Variants in DYNC1I1 observed in about 807,000 individuals in gnomAD.
DYNC1I1 encodes dynein cytoplasmic 1 intermediate chain 1.
A neutral mutation model predicts 86.6 loss-of-function variants in DYNC1I1; 43 were observed. The ratio of observed to expected loss-of-function variants is 0.50; its 90% CI spans 0.39 to 0.64. DYNC1I1 has a LOEUF of 0.64. DYNC1I1 is among the 30% of genes least tolerant of loss of function. The pLI, the probability that DYNC1I1 is intolerant of heterozygous loss-of-function variation, is 0.00. For missense variants in DYNC1I1, 604 were observed against 788.8 expected (o/e 0.77, Z 2.81); for synonymous variants, 262 against 283.7 (o/e 0.92, Z 0.77).
chr7:96,032,840 G>A, intron 12 of DYNC1I1, 60 bp downstream of exon 12: 2 of 1,422,834 alleles, frequency 1.4e-6, no homozygotes, highest in Admixed American at 3.5e-5. Flanking sequence ...CCTACTTAAT[G>A]GAACATAGTT....
intron 5 of DYNC1I1, among the ~76,000 whole-genome samples, chr7:95,837,924 G>A (rs527680967): frequency 1.1e-3 from 175 of 152,276 alleles, no homozygotes; most frequent in African/African-American, 3.0e-3. Context: ...GAAATCACCC[G>A]TCTTCTGCGT....
chr7:95,942,457 G>A (rs950517240), intron 6 of DYNC1I1, among the ~76,000 whole-genome samples: 1 of 152,138 alleles, frequency 6.6e-6, no homozygotes, highest in Non-Finnish European at 1.5e-5. Flanking sequence ...GGAGGAACTG[G>A]TACCATTCCT....
intron 16 of DYNC1I1, among the ~76,000 whole-genome samples, chr7:96,090,971 G>A (rs1563002271): frequency 2.0e-5 from 3 of 152,296 alleles, no homozygotes; most frequent in Admixed American, 6.5e-5. Context: ...CTGTATTTAT[G>A]TGAAGCGGGT....
intron 10 of DYNC1I1, among the ~76,000 whole-genome samples, chr7:96,026,390 T>C (rs1317589011): frequency 1.3e-5 from 2 of 152,092 alleles, no homozygotes; most frequent in African/African-American, 4.8e-5. Flanking sequence ...TTTTAATAGA[T>C]GTTTAGTTTA....
At chr7:96,004,282 T>G (rs1281012982) in intron 10 of DYNC1I1, among the ~76,000 whole-genome samples, 2 of 152,204 alleles carry the variant, frequency 1.3e-5, no homozygotes, top group Non-Finnish European at 2.9e-5. Context: ...GGTGAAAGAT[T>G]TATCTTCGTT....
rs922799042 is a variant in DYNC1I1, at chr7:95,964,590, T to C, written c.491-12922T>C. ...CTTTGCTATTGTGGAATTCTCATTC[T>C]AGTGGGTCTAGAATTCTCATTCAAT... is the stretch of plus-strand genomic sequence containing the variant. On this transcript the variant is annotated intron_variant, in intron 6 of 16. Coordinates refer to ENST00000447467, the MANE Select transcript of DYNC1I1 (RefSeq NM_001135556.2). Among the ~76,000 whole-genome samples the C allele has an allele frequency of 2.6e-5, 4 of 152,240 alleles. No individual in the cohort carries two copies. In the East Asian group the frequency reaches 7.7e-4, roughly 29 times the overall value.
intron 6 of DYNC1I1, among the ~76,000 whole-genome samples, chr7:95,902,969 T>C (rs968015457): frequency 1.3e-5 from 2 of 152,206 alleles, no homozygotes; most frequent in Non-Finnish European, 2.9e-5. Flanking sequence ...TTTTTGTTTT[T>C]AGAAAAGCAC....
At chr7:95,867,832 C>G (rs1330839786) in intron 5 of DYNC1I1, among the ~76,000 whole-genome samples, 2 of 152,236 alleles carry the variant, frequency 1.3e-5, no homozygotes, top group African/African-American at 2.4e-5. Flanking sequence ...CAGAAAGACA[C>G]TGGGCTACTA....
Position 95,810,675 on chromosome 7 carries a change from TG to T in DYNC1I1, c.223+171del, listed in dbSNP as rs144180774. On this transcript the variant is annotated intron_variant, in intron 3 of 16. Transcript: ENST00000447467. ...CATGTGTTTTTGGAATTGAGGGGGCTGGAAGGAGATGGGAGGAAAGTTGTAG... is the reference window on the plus strand; with the variant it reads ...CATGTGTTTTTGGAATTGAGGGGGCTGAAGGAGATGGGAGGAAAGTTGTAG... Among the ~76,000 whole-genome samples the T allele has an allele frequency of 0.094, 10,185 of 108,610 alleles. 458 individuals are homozygous for T. The highest frequency in any genetic ancestry group is 0.11 in the Non-Finnish European group (6,537 of 57,384). The allele number at this position is 108,610 out of a possible 152,430, so 71.3% of individuals were successfully genotyped here.
At chr7:95,905,560 T>C (rs926008107) in intron 6 of DYNC1I1, among the ~76,000 whole-genome samples, 1 of 152,230 alleles carries the variant, frequency 6.6e-6, no homozygotes, top group African/African-American at 2.4e-5. Flanking sequence ...TCCTGACCTA[T>C]GTCTCAAACT....
At position 95,831,637 on chromosome 7, in the gene DYNC1I1, G is replaced by C. The variant is rs147449005; in HGVS notation, c.374+3521G>C. 3.0e-3 allele frequency among the ~76,000 whole-genome samples: 454 copies of C among 150,930 alleles called. 6 individuals are homozygous for C. Among genetic ancestry groups the C allele is most frequent in the African/African-American group, 0.01 (421 of 40,888 alleles). On this transcript the variant is annotated intron_variant, in intron 5 of 16. Transcript: ENST00000447467. ...TTACAATCTTACCAACAGTGTACTA[G>C]GTTGTTTCCTCAATATCCCTTCCAA... is the stretch of plus-strand genomic sequence containing the variant.
chr7:96,064,148 A>C (rs764215233), intron 14 of DYNC1I1, among the ~76,000 whole-genome samples: 18 of 151,684 alleles, frequency 1.2e-4, no homozygotes, highest in African/African-American at 3.9e-4. Flanking sequence ...GCTTGTTTCT[A>C]AGCATCATTG....
intron 16 of DYNC1I1, among the ~76,000 whole-genome samples, chr7:96,087,309 T>C (rs1362444580): frequency 1.3e-5 from 2 of 152,180 alleles, no homozygotes; most frequent in African/African-American, 4.8e-5. Context: ...AGAACTGCAT[T>C]TGCAATCAGC....
chr7:95,920,790 C>T (rs1049039930), intron 6 of DYNC1I1, among the ~76,000 whole-genome samples: 5 of 152,154 alleles, frequency 3.3e-5, no homozygotes, highest in Non-Finnish European at 7.3e-5. Flanking sequence ...TTATTATTGT[C>T]ATAGGTGCCA....
chr7:95,851,122 A>G (rs1329791183), intron 5 of DYNC1I1, among the ~76,000 whole-genome samples: 1 of 152,008 alleles, frequency 6.6e-6, no homozygotes, highest in Non-Finnish European at 1.5e-5. Context: ...TTTTGAACAG[A>G]AGAGGTCTCA....
chr7:96,008,073 A>C (rs1225262399), intron 10 of DYNC1I1, among the ~76,000 whole-genome samples: 1 of 152,210 alleles, frequency 6.6e-6, no homozygotes, highest in African/African-American at 2.4e-5. Flanking sequence ...GTGGGATCAC[A>C]GGCAGCAGGT....
intron 6 of DYNC1I1, among the ~76,000 whole-genome samples, chr7:95,889,962 G>T (rs536939409): frequency 6.6e-6 from 1 of 152,220 alleles, no homozygotes; most frequent in Non-Finnish European, 1.5e-5. Context: ...TGGCAAGGTT[G>T]CGGATAAAAG....
At chr7:96,044,160 G>A (rs1040255407) in intron 14 of DYNC1I1, among the ~76,000 whole-genome samples, 1 of 152,172 alleles carries the variant, frequency 6.6e-6, no homozygotes, top group African/African-American at 2.4e-5. Context: ...GGTCATGATT[G>A]CTAATTATTG....
In DYNC1I1 at chr7:95,848,465, CAT is replaced by C. The variant is rs578225433; in HGVS notation, c.374+20350_374+20351del. ...ATGACATGAACTTTTTAAGATTCCA[CAT>C]GAGTGAACTCATACAGTACTTGTTG... On this transcript the variant is annotated intron_variant, in intron 5 of 16. Coordinates refer to ENST00000447467, the MANE Select transcript of DYNC1I1 (RefSeq NM_001135556.2). Among the ~76,000 whole-genome samples, 36 of 152,188 alleles carry C rather than the reference CAT, an allele frequency of 2.4e-4. No individual in the cohort carries two copies. In the South Asian group the frequency reaches 5.0e-3, roughly 21 times the overall value.
Sources: allele counts gnomAD v4.1 joint callset (sites outside exome capture counted in the v4.1 genomes callset), GRCh38; gene constraint gnomAD v4.1.1; transcripts MANE v1.5; gene names NCBI Gene and HGNC (gene_info 2026-07-23, HGNC 2026-07-21).